Variants in DCDC1 observed in about 807,000 individuals in gnomAD.
DCDC1 encodes the protein doublecortin domain-containing protein 1.
Under a neutral mutation model 178.3 loss-of-function variants are expected in DCDC1, and 200 were observed. The observed-to-expected ratio is 1.12, with a 90% CI of 1.00 to 1.26. The LOEUF (loss-of-function observed/expected upper bound fraction) is 1.26, where lower values mean the gene tolerates loss of function less well. Among genes scored for constraint, DCDC1 ranks in the 50% most tolerant of loss-of-function variants. The pLI, the probability that DCDC1 is intolerant of heterozygous loss-of-function variation, is 0.00. For synonymous variants in DCDC1, 690 were observed against 604.8 expected (o/e 1.14, Z -2.07); for missense variants, 1,983 against 1,749.2 (o/e 1.13, Z -2.38).
At chr11:31,209,387 A>G (rs890041720) in intron 9 of DCDC1, among the ~76,000 whole-genome samples, 1 of 152,238 alleles carries the variant, frequency 6.6e-6, no homozygotes, top group African/African-American at 2.4e-5. Context: ...AGAAGAGTTC[A>G]CAAAAGCCAG....
chr11:30,901,580 G>A (rs1365664049), intron 32 of DCDC1, among the ~76,000 whole-genome samples: 1 of 152,158 alleles, frequency 6.6e-6, no homozygotes, highest in Non-Finnish European at 1.5e-5. Context: ...ATAAAAGGGG[G>A]CAGCCTACTG....
chr11:31,014,282 C>A (rs1952351838), intron 20 of DCDC1, among the ~76,000 whole-genome samples: 1 of 151,794 alleles, frequency 6.6e-6, no homozygotes, highest in Non-Finnish European at 1.5e-5. Context: ...TTTCATCACT[C>A]ACCCTAGGGG....
At chr11:30,905,205 T>C in intron 30 of DCDC1, 41 bp from the exon 31 acceptor site, 1 of 1,539,658 alleles carries the variant, frequency 6.5e-7, no homozygotes, top group South Asian at 1.2e-5. Flanking sequence ...ACTCAAACTT[T>C]CTTGTTTTAG....
intron 38 of DCDC1, among the ~76,000 whole-genome samples, chr11:30,874,972 C>T (rs1941983672): frequency 6.6e-6 from 1 of 152,162 alleles, no homozygotes; most frequent in South Asian, 2.1e-4. Context: ...AATTTCTCGT[C>T]TCCTTTCTTC....
At chr11:30,945,099 G>A (rs1947928221) in intron 21 of DCDC1, among the ~76,000 whole-genome samples, 1 of 148,612 alleles carries the variant, frequency 6.7e-6, no homozygotes, top group Non-Finnish European at 1.5e-5. Flanking sequence ...CTCCTGAGTA[G>A]CTGGGACTAC....
At chr11:30,983,805 T>A (rs1950503836) in intron 20 of DCDC1, among the ~76,000 whole-genome samples, 1 of 152,170 alleles carries the variant, frequency 6.6e-6, no homozygotes, top group African/African-American at 2.4e-5. Context: ...GATGTCTCTC[T>A]CCCTCACTCA....
intron 20 of DCDC1, among the ~76,000 whole-genome samples, chr11:31,027,635 T>C (rs189064306): frequency 2.0e-4 from 31 of 151,872 alleles, no homozygotes; most frequent in African/African-American, 6.3e-4. Flanking sequence ...TAATCGTGTG[T>C]ACAATCAGGA....
At chr11:31,268,144 T>A (rs1206944043) in intron 7 of DCDC1, among the ~76,000 whole-genome samples, 1 of 152,186 alleles carries the variant, frequency 6.6e-6, no homozygotes, top group Non-Finnish European at 1.5e-5. Flanking sequence ...TATGAAGTTA[T>A]TACTGTATTT....
intron 20 of DCDC1, among the ~76,000 whole-genome samples, chr11:31,000,552 C>A (rs1951513645): frequency 6.6e-6 from 1 of 152,004 alleles, no homozygotes; most frequent in African/African-American, 2.4e-5. Context: ...CTTAGAAATC[C>A]TTATGGATTG....
At chr11:31,198,274 A>C (rs1469625987) in intron 9 of DCDC1, among the ~76,000 whole-genome samples, 1 of 152,188 alleles carries the variant, frequency 6.6e-6, no homozygotes, top group East Asian at 1.9e-4. Context: ...CCTCAATGGT[A>C]GATCCAGAAT....
chr11:31,000,153 T>C (rs963855577), intron 20 of DCDC1, among the ~76,000 whole-genome samples: 1 of 152,210 alleles, frequency 6.6e-6, no homozygotes, highest in African/African-American at 2.4e-5. Context: ...TGAATCTTCC[T>C]TCAGACAAAC....
chr11:31,128,307 T>C (rs1413142892), intron 10 of DCDC1, among the ~76,000 whole-genome samples: 1 of 152,138 alleles, frequency 6.6e-6, no homozygotes, highest in Non-Finnish European at 1.5e-5. Flanking sequence ...CTAAGGAATC[T>C]GTAACCTTGA....
intron 12 of DCDC1, among the ~76,000 whole-genome samples, chr11:31,107,358 A>G (rs1412820251): frequency 2.6e-5 from 4 of 152,174 alleles, no homozygotes; most frequent in Non-Finnish European, 5.9e-5. Context: ...AAGTTTCACA[A>G]TCACCAATCT....
At position 31,216,725 on chromosome 11, in the gene DCDC1, C is replaced by T. The variant is rs1973616774; in HGVS notation, c.1221+24725G>A. 2.0e-5 allele frequency among the ~76,000 whole-genome samples: 3 copies of T among 152,154 alleles called. No individual in the cohort carries two copies. In the South Asian group the frequency reaches 6.2e-4, roughly 32 times the overall value. On this transcript the variant is annotated intron_variant, in intron 9 of 38. Transcript: ENST00000684477. Reference sequence around the variant, plus strand: ...ATAAGCCCAGACAGTACTAGTTACTCAGGGTCTTAGCTTTCCCCATACAAG... The same window carrying T: ...ATAAGCCCAGACAGTACTAGTTACTTAGGGTCTTAGCTTTCCCCATACAAG...
intron 1 of DCDC1, among the ~76,000 whole-genome samples, chr11:31,343,457 C>G (rs898072514): frequency 6.6e-6 from 1 of 152,082 alleles, no homozygotes; most frequent in Non-Finnish European, 1.5e-5. Flanking sequence ...CAGGTGTGCG[C>G]CACCATGCCT....
intron 11 of DCDC1, among the ~76,000 whole-genome samples, chr11:31,113,632 TG>T (rs1289535468): frequency 4.6e-5 from 7 of 152,258 alleles, no homozygotes; most frequent in Admixed American, 4.6e-4. Flanking sequence ...TCCTTTTTTA[TG>T]GCTGCATAGT....
chr11:31,059,982 A>G (rs1418843370), intron 20 of DCDC1, among the ~76,000 whole-genome samples: 1 of 152,034 alleles, frequency 6.6e-6, no homozygotes, highest in Non-Finnish European at 1.5e-5. Flanking sequence ...GAAAAGCAGG[A>G]GACTATAACA....
chr11:31,022,568 T>C (rs895888150), intron 20 of DCDC1, among the ~76,000 whole-genome samples: 1 of 151,898 alleles, frequency 6.6e-6, no homozygotes, highest in African/African-American at 2.4e-5. Flanking sequence ...TTAGTTTGAT[T>C]CCCCTAATGT....
chr11:31,359,561 GT>G (rs1356180170), intron 1 of DCDC1, among the ~76,000 whole-genome samples: 1 of 152,006 alleles, frequency 6.6e-6, no homozygotes, highest in East Asian at 1.9e-4. Flanking sequence ...TTGTGCACAT[GT>G]ACCCTAAAAC....
Sources: allele counts gnomAD v4.1 joint callset (sites outside exome capture counted in the v4.1 genomes callset), GRCh38; gene constraint gnomAD v4.1.1; transcripts MANE v1.5; gene names NCBI Gene and HGNC (gene_info 2026-07-23, HGNC 2026-07-21).